Variants in ERBB2 observed in about 807,000 individuals in gnomAD.
The protein encoded by ERBB2 is erb-b2 receptor tyrosine kinase 2, also known as receptor tyrosine-protein kinase erbB-2.
ERBB2 carries 61 observed loss-of-function variants against 149.0 expected under a neutral mutation model. That is an observed-to-expected ratio of 0.41 (90% CI 0.33 to 0.51). The LOEUF is 0.51. Ranked by LOEUF, ERBB2 falls within the 20% of genes least tolerant of loss-of-function variation. The pLI, the probability that ERBB2 is intolerant of heterozygous loss-of-function variation, is 0.25. For synonymous variants in ERBB2, 633 were observed against 678.8 expected (o/e 0.93, Z 1.05); for missense variants, 1,205 against 1,655.1 (o/e 0.73, Z 4.72).
rs2059775007 is a variant in ERBB2 at position 39,726,538 on chromosome 17, A to G, written c.2873-24A>G. ...CAAGCACACAGGGCCTGGGACTAGC[A>G]TGCTGACCTCCCTCCTGCCCCAGGT... On this transcript the variant is annotated intron_variant, in intron 23 of 26. Coordinates refer to ENST00000269571, the MANE Select transcript of ERBB2 (RefSeq NM_004448.4). This position sits in a 1 kb window ranked among gnomAD's most constrained non-coding sequence, Gnocchi z 5.1. 1 of 1,599,796 alleles carries G rather than the reference A, an allele frequency of 6.3e-7. No homozygotes were observed. Among genetic ancestry groups the G allele is most frequent in the Admixed American group, 1.7e-5 (1 of 59,972 alleles).
intron 15 of ERBB2, among the ~76,000 whole-genome samples, chr17:39,719,363 A>T (rs1359950322): frequency 6.6e-6 from 1 of 152,250 alleles, no homozygotes; most frequent in African/African-American, 2.4e-5. Flanking sequence ...AGATTCTGCT[A>T]AGTGAAAAAA....
At chr17:39,709,667 G>A in intron 4 of ERBB2, 146 bp from the exon 5 acceptor site, 1 of 937,516 alleles carries the variant, frequency 1.1e-6, no homozygotes. Flanking sequence ...CCTCTGGTTT[G>A]GGGGCCTCTC....
rs199657476 is a variant in ERBB2 at position 39,716,341 on chromosome 17, G to A, written c.1554G>A (p.Gly518=). 1 of 1,606,752 alleles carries A rather than the reference G, an allele frequency of 6.2e-7. No homozygotes were observed. The highest frequency in any genetic ancestry group is 1.3e-5 in the African/African-American group (1 of 74,776). ...GLACHQLCAR[G]HCWGPGPTQC... ...CCTGCCACCAGCTGTGCGCCCGAGG[G>A]CACTGCTGGGGTCCAGGGCCCACCC... is the stretch of plus-strand genomic sequence containing the variant. Residue 518 remains glycine, a synonymous_variant, in exon 13 of 27, where the codon GGG becomes GGA. Transcript: ENST00000269571.
In ERBB2 at chr17:39,700,269, C is replaced by A; in HGVS notation, c.31C>A (p.Leu11Ile). 2 of 1,438,384 alleles carry A rather than the reference C, an allele frequency of 1.4e-6. No individual in the cohort carries two copies. Among genetic ancestry groups the A allele is most frequent in the Non-Finnish European group, 9.1e-7 (1 of 1,098,660 alleles). 89.1% of individuals were successfully genotyped at this position (1,438,384 alleles called of 1,614,324 possible). MELAALCRWG[L>I]LLALLPPGAA... Reference sequence around the variant, plus strand: ...GCTGGCGGCCTTGTGCCGCTGGGGGCTCCTCCTCGCCCTCTTGCCCCCCGG... The same window carrying A: ...GCTGGCGGCCTTGTGCCGCTGGGGGATCCTCCTCGCCCTCTTGCCCCCCGG... The change falls in exon 1 of 27, where the codon CTC becomes ATC. Residue 11 changes from leucine (L) to isoleucine (I), a missense_variant. By Grantham distance (5) the Leu-to-Ile change is conservative. Coordinates refer to ENST00000269571, the MANE Select transcript of ERBB2 (RefSeq NM_004448.4).
chr17:39,696,102 C>G (rs985924506), upstream of ERBB2, among the ~76,000 whole-genome samples: 1 of 152,148 alleles, frequency 6.6e-6, no homozygotes, highest in African/African-American at 2.4e-5. Context: ...ATCCTCTTTC[C>G]TGGGCTCTCC....
At chr17:39,697,799 T>C (rs2057901373), upstream of ERBB2, among the ~76,000 whole-genome samples, 1 of 152,058 alleles carries the variant, frequency 6.6e-6, no homozygotes, top group African/African-American at 2.4e-5. Flanking sequence ...GTTCAAGCAA[T>C]TCTCCTGCCT....
intron 19 of ERBB2, 45 bp from the exon 20 acceptor site, chr17:39,724,681 G>A (rs2145844465): frequency 6.4e-7 from 1 of 1,561,158 alleles, no homozygotes. Flanking sequence ...TGGTGTTTGG[G>A]GGTGTGTGGT....
chr17:39,709,453 G>C lies in ERBB2; in HGVS notation c.574+1G>C, dbSNP rs1408939918. The stretch of plus-strand genomic sequence containing the variant: ...ATAGACACCAACCGCTCTCGGGCCT[G>C]TAAGCCATGCCCCTCCCTGCTGCCT... On this transcript the variant is annotated splice_donor_variant, in intron 4 of 26. Coordinates refer to ENST00000269571, the MANE Select transcript of ERBB2 (RefSeq NM_004448.4). LOFTEE classifies it high-confidence loss of function. 3.7e-6 allele frequency: 6 copies of C among 1,613,954 alleles called. No individual in the cohort carries two copies. The highest frequency in any genetic ancestry group is 5.1e-6 in the Non-Finnish European group (6 of 1,180,006).
intron 9 of ERBB2, 38 bp from the exon 10 acceptor site, chr17:39,715,248 G>A (rs2145627830): frequency 6.3e-7 from 1 of 1,581,284 alleles, no homozygotes; most frequent in Non-Finnish European, 8.7e-7. Flanking sequence ...TGTCCACCCT[G>A]TTCCTGGCCC....
chr17:39,719,680 G>A, intron 15 of ERBB2, 107 bp from the exon 16 acceptor site: 1 of 1,101,594 alleles, frequency 9.1e-7, no homozygotes, highest in African/African-American at 1.5e-5. Context: ...TTTGTCAAAT[G>A]GGGATAATGA....
At chr17:39,696,900 T>G (rs2057875082), upstream of ERBB2, 1 of 152,348 alleles carries the variant, frequency 6.6e-6, no homozygotes, top group Admixed American at 6.5e-5. Context: ...CCTCTAAGGC[T>G]GCCTGCACAC....
At chr17:39,688,192 C>T in exon 1 of ERBB2, 1 of 500,920 alleles carries the variant, frequency 2.0e-6, no homozygotes. Context: ...CTGCTGTGTC[C>T]ATATATCGAG....
In ERBB2 at chr17:39,715,920, C is replaced by A; in HGVS notation, c.1494C>A (p.Asn498Lys). 6.2e-7 allele frequency: 1 copy of A among 1,610,734 alleles called. No individual in the cohort carries two copies. Among genetic ancestry groups the A allele is most frequent in the Non-Finnish European group, 8.5e-7 (1 of 1,180,006 alleles). Residue 498 changes from asparagine (N) to lysine (K), a missense_variant, in exon 12 of 27, where the codon AAC becomes AAA. Asn to Lys is a moderately conservative substitution (Grantham distance 94). Around this residue, in one of 6 missense-constraint regions of ERBB2, gnomAD observed 569 missense variants for 803.5 expected, o/e 0.71. Coordinates refer to ENST00000269571, the MANE Select transcript of ERBB2 (RefSeq NM_004448.4). ...ACCAAGCTCTGCTCCACACTGCCAACCGGCCAGAGGACGAGTGTGGTAAGA... is the reference window on the plus strand; with the variant it reads ...ACCAAGCTCTGCTCCACACTGCCAAACGGCCAGAGGACGAGTGTGGTAAGA... ...NPHQALLHTANRPEDECVGEG... is the reference protein window; with the variant it reads ...NPHQALLHTAKRPEDECVGEG...
chr17:39,714,525 G>A (rs2059004832), intron 9 of ERBB2, among the ~76,000 whole-genome samples: 2 of 152,302 alleles, frequency 1.3e-5, no homozygotes, highest in South Asian at 4.1e-4. Flanking sequence ...TGATTATAAA[G>A]TTTGAATGAG....
Position 39,726,743 on chromosome 17 carries a change from G to T in ERBB2, c.2971-72G>T. ...TGGGAAGGAGAGATGAGTCCAGTAT[G>T]CCAGGCCCCTCACGGAAGGCTGCAT... On this transcript the variant is annotated intron_variant, in intron 24 of 26. Coordinates refer to ENST00000269571, the MANE Select transcript of ERBB2 (RefSeq NM_004448.4). The surrounding 1 kb of genome is among the most constrained non-coding windows in gnomAD (Gnocchi z 5.1). 1 of 1,588,922 alleles carries T rather than the reference G, an allele frequency of 6.3e-7. No homozygotes were observed. Among genetic ancestry groups the T allele is most frequent in the Non-Finnish European group, 8.6e-7 (1 of 1,157,334 alleles).
At chr17:39,698,656 C>G (rs189731494), upstream of ERBB2, among the ~76,000 whole-genome samples, 1 of 152,236 alleles carries the variant, frequency 6.6e-6, no homozygotes, top group East Asian at 1.9e-4. Flanking sequence ...GAGGTGCCTG[C>G]TTTAAGTGTG....
chr17:39,728,643 TATATTTTGGAAAAC>T lies in ERBB2; in HGVS notation c.*601_*614del, dbSNP rs2059904815. Reference sequence around the variant, plus strand: ...CACACCCACTTTGTCCATTTGCAAATATATTTTGGAAAACAGCTAGGCACCGGCCTATGTCTGGG... The same window carrying T: ...CACACCCACTTTGTCCATTTGCAAATAGCTAGGCACCGGCCTATGTCTGGG... On this transcript the variant is annotated 3_prime_UTR_variant, in exon 27 of 27. Transcript: ENST00000269571. The T allele has an allele frequency of 4.3e-6, 1 of 232,736 alleles. No individual in the cohort carries two copies. The highest frequency in any genetic ancestry group is 8.5e-6 in the Non-Finnish European group (1 of 117,792). 14.4% of individuals were successfully genotyped at this position (232,736 alleles called of 1,614,324 possible).
intron 4 of ERBB2, 93 bp downstream of exon 4, chr17:39,709,545 G>A (rs2145482399): frequency 1.4e-6 from 2 of 1,452,808 alleles, no homozygotes; most frequent in Non-Finnish European, 1.9e-6. Context: ...GCCCGCCACT[G>A]CCCCAGCCGC....
At chr17:39,701,070 C>G (rs1318095849) in intron 1 of ERBB2, among the ~76,000 whole-genome samples, 2 of 151,926 alleles carry the variant, frequency 1.3e-5, no homozygotes, top group Non-Finnish European at 2.9e-5. Context: ...GAGAAGGAAG[C>G]TAAGAAATAA....
Sources: gnomAD v4.1 joint callset for allele counts (sites outside exome capture counted in the v4.1 genomes callset) on GRCh38, gnomAD v4.1.1 for gene constraint, gnomAD v4.1.1 regional missense constraint, Gnocchi (gnomAD v3.1) non-coding constraint, MANE v1.5 for transcripts, NCBI Gene and HGNC (gene_info 2026-07-23, HGNC 2026-07-21) for gene names.